EXOC5: variants seen among roughly 807,000 people sequenced by gnomAD.
The protein encoded by EXOC5 is exocyst complex component 5.
Under a neutral mutation model 90.8 loss-of-function variants are expected in EXOC5, and 17 were observed. The observed-to-expected ratio is 0.19, with a 90% CI of 0.13 to 0.28. EXOC5 has a LOEUF of 0.28. EXOC5 is among the 10% of genes least tolerant of loss of function. The pLI is 1.00. For synonymous variants in EXOC5, 260 were observed against 270.0 expected (o/e 0.96, Z 0.36); for missense variants, 569 against 830.6 (o/e 0.69, Z 3.87).
intron 13 of EXOC5, among the ~76,000 whole-genome samples, chr14:57,219,753 A>G (rs1883073156): frequency 6.6e-6 from 1 of 152,052 alleles, no homozygotes; most frequent in Non-Finnish European, 1.5e-5. Flanking sequence ...CAGTTCGAAT[A>G]ATTTTCTCAT....
intron 7 of EXOC5, among the ~76,000 whole-genome samples, chr14:57,235,258 A>T (rs1345113391): frequency 6.6e-6 from 1 of 152,160 alleles, no homozygotes; most frequent in East Asian, 1.9e-4. Context: ...AATTCTAGGT[A>T]AACAATTCCG....
chr14:57,228,351 G>A (rs1883374841), intron 12 of EXOC5, among the ~76,000 whole-genome samples: 1 of 152,062 alleles, frequency 6.6e-6, no homozygotes, highest in African/African-American at 2.4e-5. Context: ...TCTCATTACT[G>A]GGGTATATAC....
At chr14:57,216,455 G>T (rs1278250449) in intron 15 of EXOC5, among the ~76,000 whole-genome samples, 1 of 152,068 alleles carries the variant, frequency 6.6e-6, no homozygotes, top group African/African-American at 2.4e-5. Flanking sequence ...CAGCCCAATG[G>T]AACAGGATAC....
intron 15 of EXOC5, among the ~76,000 whole-genome samples, chr14:57,212,168 A>G (rs923220742): frequency 4.6e-5 from 7 of 152,162 alleles, no homozygotes; most frequent in African/African-American, 1.4e-4. Context: ...CCCACCCAAG[A>G]AAGTGTTTCT....
At chr14:57,219,553 C>T in intron 13 of EXOC5, 111 bp from the exon 14 acceptor site, 1 of 783,136 alleles carries the variant, frequency 1.3e-6, no homozygotes, top group South Asian at 1.8e-5. Flanking sequence ...AATGACACCG[C>T]TATTTTAATA....
intron 15 of EXOC5, among the ~76,000 whole-genome samples, chr14:57,216,137 T>C (rs545012000): frequency 1.3e-4 from 20 of 152,148 alleles, no homozygotes; most frequent in Non-Finnish European, 2.5e-4. Flanking sequence ...CTGAAAACCA[T>C]AGAACATTGC....
At chr14:57,256,307 T>C (rs921221294) in intron 1 of EXOC5, among the ~76,000 whole-genome samples, 3 of 152,112 alleles carry the variant, frequency 2.0e-5, no homozygotes, top group African/African-American at 7.2e-5. Context: ...TGAAAATGTA[T>C]GGACAAGTGT....
At chr14:57,240,920 T>G (rs541362761) in intron 4 of EXOC5, among the ~76,000 whole-genome samples, 2 of 152,182 alleles carry the variant, frequency 1.3e-5, no homozygotes, top group East Asian at 3.9e-4. Flanking sequence ...TGGCATGATC[T>G]TGGCTCACTA....
At chr14:57,231,095 G>A (rs762063434) in intron 11 of EXOC5, among the ~76,000 whole-genome samples, 7 of 150,160 alleles carry the variant, frequency 4.7e-5, no homozygotes, top group Non-Finnish European at 7.4e-5. Flanking sequence ...TGCAACCTCC[G>A]TCTCCCAGGT....
At chr14:57,260,014 G>A (rs577692023) in intron 1 of EXOC5, among the ~76,000 whole-genome samples, 1 of 152,168 alleles carries the variant, frequency 6.6e-6, no homozygotes, top group South Asian at 2.1e-4. Context: ...TAAAGAACAG[G>A]CATTACATGG....
At chr14:57,232,390 C>T in intron 10 of EXOC5, 1 of 218,436 alleles carries the variant, frequency 4.6e-6, no homozygotes, top group Non-Finnish European at 8.9e-6. Context: ...TACATCACTT[C>T]CTTTTGCAGT....
intron 12 of EXOC5, among the ~76,000 whole-genome samples, chr14:57,227,821 ATAAT>A (rs946732767): frequency 2.0e-5 from 3 of 152,152 alleles, no homozygotes; most frequent in African/African-American, 7.2e-5. Context: ...ATCAACATAA[ATAAT>A]TAAGACTGCC....
rs1594638692 is a variant in EXOC5 at position 57,201,530 on chromosome 14, ACAC to A, written c.*7076_*7078del. 4 of 142,910 alleles carry A rather than the reference ACAC, an allele frequency of 2.8e-5. No individual in the cohort carries two copies. In the East Asian group the frequency reaches 8.0e-4, roughly 29 times the overall value. The allele number at this position is 142,910 out of a possible 1,614,324, so 8.9% of individuals were successfully genotyped here. ...CACACATATGTATATATATACACAC[ACAC>A]CACACATATACATATATTTTTATAT... On this transcript the variant is annotated 3_prime_UTR_variant, in exon 18 of 18. Transcript: ENST00000621441.
intron 1 of EXOC5, among the ~76,000 whole-genome samples, chr14:57,260,924 C>T (rs886211740): frequency 1.3e-5 from 2 of 151,958 alleles, no homozygotes; most frequent in Non-Finnish European, 2.9e-5. Context: ...CAAATACACA[C>T]GTTAAATATT....
chr14:57,228,853 A>T (rs965900041), intron 12 of EXOC5, among the ~76,000 whole-genome samples: 73 of 130,872 alleles, frequency 5.6e-4, no homozygotes, highest in African/African-American at 1.9e-3. Flanking sequence ...CTTAAAGTAT[A>T]AAAAAAAAAA....
At chr14:57,243,028 T>C (rs1185112981) in intron 4 of EXOC5, among the ~76,000 whole-genome samples, 1 of 152,228 alleles carries the variant, frequency 6.6e-6, no homozygotes, top group African/African-American at 2.4e-5. Flanking sequence ...CTCTCATTTA[T>C]AAGCGGGAGC....
At chr14:57,265,018 G>A (rs1454690883) in intron 1 of EXOC5, among the ~76,000 whole-genome samples, 1 of 152,028 alleles carries the variant, frequency 6.6e-6, no homozygotes, top group African/African-American at 2.4e-5. Flanking sequence ...ACAGTCTCAT[G>A]GTGAAAAAAG....
At chr14:57,218,733 C>T (rs924989993) in intron 14 of EXOC5, among the ~76,000 whole-genome samples, 2 of 151,978 alleles carry the variant, frequency 1.3e-5, no homozygotes, top group African/African-American at 4.8e-5. Context: ...TCAATGTTTA[C>T]AACAAAATGT....
chr14:57,209,198 C>A (rs545609366), intron 17 of EXOC5, among the ~76,000 whole-genome samples: 14 of 151,874 alleles, frequency 9.2e-5, no homozygotes, highest in African/African-American at 3.4e-4. Context: ...GACTGTGGAA[C>A]TGAAAATACA....
Sources: allele counts gnomAD v4.1 joint callset (sites outside exome capture counted in the v4.1 genomes callset), GRCh38; gene constraint gnomAD v4.1.1; transcripts MANE v1.5; gene names NCBI Gene and HGNC (gene_info 2026-07-23, HGNC 2026-07-21).